Variants in BANP observed in about 807,000 individuals in gnomAD.
BANP encodes protein BANP.
Under a neutral mutation model 68.1 loss-of-function variants are expected in BANP, and 11 were observed. The ratio of observed to expected loss-of-function variants is 0.16; its 90% CI spans 0.10 to 0.27. The LOEUF (loss-of-function observed/expected upper bound fraction) is 0.27, where lower values mean the gene tolerates loss of function less well. Among genes scored for constraint, BANP ranks in the 10% least tolerant of loss-of-function variants. BANP has a pLI of 1.00. For missense variants in BANP, 504 were observed against 722.7 expected, an observed-to-expected ratio of 0.70 and a Z score of 3.47; for synonymous variants, 329 against 303.2, an observed-to-expected ratio of 1.09 and a Z score of -0.88.
chr16:87,990,350 T>G (rs539203869), intron 4 of BANP, among the ~76,000 whole-genome samples: 1 of 152,208 alleles, frequency 6.6e-6, no homozygotes, highest in Non-Finnish European at 1.5e-5. Context: ...TCCAGAGATG[T>G]GTCATGTAAG....
At chr16:87,997,733 G>A (rs771335261) in intron 4 of BANP, among the ~76,000 whole-genome samples, 19 of 150,476 alleles carry the variant, frequency 1.3e-4, no homozygotes, top group Non-Finnish European at 2.5e-4. Flanking sequence ...CCATGTGTTC[G>A]TGGTAAAGTG....
At chr16:88,035,868 C>T (rs1333132905) in intron 10 of BANP, among the ~76,000 whole-genome samples, 3 of 152,242 alleles carry the variant, frequency 2.0e-5, no homozygotes, top group African/African-American at 7.2e-5. Flanking sequence ...GTGATGCTGC[C>T]AGTCCTGAGA....
intron 3 of BANP, among the ~76,000 whole-genome samples, chr16:87,983,079 C>A (rs1356241446): frequency 6.6e-6 from 1 of 152,130 alleles, no homozygotes; most frequent in African/African-American, 2.4e-5. Flanking sequence ...CTACCTCCCC[C>A]TTCCTTCTGA....
At chr16:87,981,737 T>G (rs2063320897) in intron 3 of BANP, among the ~76,000 whole-genome samples, 1 of 152,152 alleles carries the variant, frequency 6.6e-6, no homozygotes, top group Admixed American at 6.6e-5. Flanking sequence ...GCAGGCCCAT[T>G]TTGGATGGAA....
intron 11 of BANP, among the ~76,000 whole-genome samples, chr16:88,038,567 T>G (rs1395315156): frequency 6.9e-6 from 1 of 145,104 alleles, no homozygotes; most frequent in Non-Finnish European, 1.5e-5. Flanking sequence ...TAGAAAAAGG[T>G]GGTTTCGCTC....
At chr16:87,967,968 G>T (rs754810175) in intron 1 of BANP, among the ~76,000 whole-genome samples, 3 of 147,772 alleles carry the variant, frequency 2.0e-5, no homozygotes, top group East Asian at 4.2e-4. Flanking sequence ...TGGTCAGGCT[G>T]GTCTCGAACT....
intron 4 of BANP, among the ~76,000 whole-genome samples, chr16:87,998,159 T>G (rs376717463): frequency 4.9e-4 from 75 of 152,304 alleles, no homozygotes; most frequent in African/African-American, 1.8e-3. Flanking sequence ...CCATGTCCTG[T>G]GCATTCTTCT....
At chr16:88,030,942 G>T (rs145745092) in intron 8 of BANP, among the ~76,000 whole-genome samples, 14 of 152,370 alleles carry the variant, frequency 9.2e-5, no homozygotes, top group African/African-American at 3.1e-4. Flanking sequence ...ATGCTTAGAT[G>T]CCTGGAGAAG....
chr16:88,074,578 G>A (rs1283722617), intron 13 of BANP, among the ~76,000 whole-genome samples: 3 of 152,168 alleles, frequency 2.0e-5, no homozygotes, highest in African/African-American at 4.8e-5. Context: ...GTCCTTGGAG[G>A]GCAAGTGAGT....
intron 1 of BANP, among the ~76,000 whole-genome samples, chr16:87,969,723 G>A (rs545047740): frequency 5.3e-5 from 8 of 151,770 alleles, no homozygotes; most frequent in Non-Finnish European, 1.0e-4. Flanking sequence ...TAGTAGAGAC[G>A]GGCTTTCACC....
At chr16:88,033,816 T>G (rs12102643) in intron 9 of BANP, among the ~76,000 whole-genome samples, 34,325 of 152,182 alleles carry the variant, frequency 0.23, 5,121 homozygotes, top group African/African-American at 0.41. Context: ...GTGGTCAGCC[T>G]GATGCGCCTA....
At chr16:88,011,557 A>G (rs1232371102) in intron 6 of BANP, among the ~76,000 whole-genome samples, 3 of 152,242 alleles carry the variant, frequency 2.0e-5, no homozygotes, top group Admixed American at 6.5e-5. Context: ...CAAAAAGACA[A>G]ACAAAATAAA....
At chr16:88,011,916 C>A (rs1435664793) in intron 6 of BANP, among the ~76,000 whole-genome samples, 1 of 152,200 alleles carries the variant, frequency 6.6e-6, no homozygotes, top group Admixed American at 6.5e-5. Flanking sequence ...TTTGAAGCAT[C>A]CGTTATGTGA....
intron 10 of BANP, among the ~76,000 whole-genome samples, chr16:88,035,904 G>C (rs1567828263): frequency 6.6e-6 from 1 of 152,250 alleles, no homozygotes; most frequent in Non-Finnish European, 1.5e-5. Context: ...TGACGCACCT[G>C]CTGGGTCTGT....
intron 11 of BANP, among the ~76,000 whole-genome samples, chr16:88,063,328 C>T (rs925184638): frequency 6.6e-6 from 1 of 152,256 alleles, no homozygotes; most frequent in Non-Finnish European, 1.5e-5. Context: ...GAGCTGGTCC[C>T]AGAAGGAGGA....
chr16:88,054,827 G>T (rs2084572502), intron 11 of BANP, among the ~76,000 whole-genome samples: 1 of 152,222 alleles, frequency 6.6e-6, no homozygotes, highest in Non-Finnish European at 1.5e-5. Flanking sequence ...AAGGTCCTCA[G>T]TGTTGCTTCA....
chr16:87,967,339 C>T (rs1034031640), intron 1 of BANP, among the ~76,000 whole-genome samples: 5 of 149,106 alleles, frequency 3.4e-5, no homozygotes, highest in African/African-American at 1.2e-4. Flanking sequence ...CAACTCTGAC[C>T]TCAGGTGATC....
chr16:88,037,691 A>T, intron 10 of BANP: 1 of 457,584 alleles, frequency 2.2e-6, no homozygotes, highest in Non-Finnish European at 4.0e-6. Flanking sequence ...CTTTCAAAAT[A>T]AAAAATGAAG....
chr16:88,071,653 C>T lies in BANP; in HGVS notation c.1378-416C>T, dbSNP rs1396565367. ...AGGGTTTGGGTCTCAGCCTCACGCT[C>T]ACGGTCCTGGCTTGGATTTTAGGCC... On this transcript the variant is annotated intron_variant, in intron 12 of 13. Coordinates refer to ENST00000682872, the MANE Select transcript of BANP (RefSeq NM_001386991.1). This position sits in a 1 kb window ranked among gnomAD's most constrained non-coding sequence, Gnocchi z 6.5. 4.3e-6 allele frequency: 2 copies of T among 468,710 alleles called. No homozygotes were observed. Among genetic ancestry groups the T allele is most frequent in the Non-Finnish European group, 8.5e-6 (2 of 235,404 alleles). 29.0% of individuals were successfully genotyped at this position (468,710 alleles called of 1,614,324 possible).
Sources: gnomAD v4.1 joint callset for allele counts (sites outside exome capture counted in the v4.1 genomes callset) on GRCh38, gnomAD v4.1.1 for gene constraint, Gnocchi (gnomAD v3.1) non-coding constraint, MANE v1.5 for transcripts, NCBI Gene and HGNC (gene_info 2026-07-23, HGNC 2026-07-21) for gene names.